GAS2: variants seen among roughly 807,000 people sequenced by gnomAD.
GAS2 encodes growth arrest specific 2, also known as growth arrest-specific protein 2.
In GAS2, 20 loss-of-function variants were observed where a neutral mutation model predicts 37.5. That is an observed-to-expected ratio of 0.53 (90% CI 0.37 to 0.77). The LOEUF (loss-of-function observed/expected upper bound fraction) is 0.77. GAS2 is among the 30% of genes least tolerant of loss of function. The pLI is 0.00. For missense variants in GAS2, 336 were observed against 373.4 expected, an observed-to-expected ratio of 0.90 and a Z score of 0.82; for synonymous variants, 144 against 132.2, an observed-to-expected ratio of 1.09 and a Z score of -0.61.
At chr11:22,649,649 A>G (rs1174153658) in intron 1 of GAS2, among the ~76,000 whole-genome samples, 2 of 151,880 alleles carry the variant, frequency 1.3e-5, no homozygotes, top group South Asian at 2.1e-4. Context: ...GTCTTGGGAG[A>G]GCGTATGTGT....
intron 1 of GAS2, among the ~76,000 whole-genome samples, chr11:22,658,343 A>G (rs1373534146): frequency 6.6e-6 from 1 of 151,990 alleles, no homozygotes; most frequent in East Asian, 1.9e-4. Context: ...CTTTTAAAAG[A>G]CTCAATTAAC....
intron 7 of GAS2, among the ~76,000 whole-genome samples, chr11:22,760,415 C>T (rs1349863672): frequency 6.6e-6 from 1 of 152,160 alleles, no homozygotes; most frequent in Non-Finnish European, 1.5e-5. Context: ...GGCCCAGCCT[C>T]CTGTGTTTTA....
At chr11:22,633,624 G>A (rs1250612197) in intron 1 of GAS2, among the ~76,000 whole-genome samples, 1 of 152,142 alleles carries the variant, frequency 6.6e-6, no homozygotes, top group Non-Finnish European at 1.5e-5. Context: ...ATCCAGTGAT[G>A]GGCAGAGGTC....
chr11:22,741,795 T>G (rs1301294637), intron 5 of GAS2, among the ~76,000 whole-genome samples: 1 of 152,118 alleles, frequency 6.6e-6, no homozygotes, highest in African/African-American at 2.4e-5. Context: ...TTAAATTGCT[T>G]TAAAACAGAA....
chr11:22,810,197 A>G (rs1012337885), intron 7 of GAS2, among the ~76,000 whole-genome samples: 6 of 152,216 alleles, frequency 3.9e-5, no homozygotes, highest in Non-Finnish European at 7.3e-5. Flanking sequence ...ATAGCAGGGA[A>G]GAAATGTAGC....
At position 22,812,220 on chromosome 11, in the gene GAS2, C is replaced by T. The variant is rs1590159524; in HGVS notation, c.*204C>T. On this transcript the variant is annotated 3_prime_UTR_variant, in exon 8 of 8. Transcript: ENST00000454584. ...GACCTATTAAAAGAAAATCTAAACTCAAATTTAAATTATCCAAATTTTAGG... is the reference window on the plus strand; with the variant it reads ...GACCTATTAAAAGAAAATCTAAACTTAAATTTAAATTATCCAAATTTTAGG... The T allele has an allele frequency of 2.0e-6, 1 of 504,952 alleles. No homozygotes were observed. The highest frequency in any genetic ancestry group is 3.5e-6 in the Non-Finnish European group (1 of 286,482). The allele number at this position is 504,952 out of a possible 1,614,324, so 31.3% of individuals were successfully genotyped here. A position where few individuals can be genotyped will look rare whatever the true frequency, so the allele number is the denominator to read the frequency against.
At chr11:22,772,920 C>G (rs1054116796) in intron 7 of GAS2, among the ~76,000 whole-genome samples, 2 of 152,132 alleles carry the variant, frequency 1.3e-5, no homozygotes, top group Admixed American at 1.3e-4. Context: ...AAGAAATAAT[C>G]TGGAGCTGAG....
chr11:22,759,976 A>G (rs554071905), intron 7 of GAS2, among the ~76,000 whole-genome samples: 2 of 152,200 alleles, frequency 1.3e-5, no homozygotes, highest in East Asian at 3.9e-4. Flanking sequence ...ATCAATTCCA[A>G]TTTGATGGCT....
chr11:22,743,025 C>A (rs1232755992), intron 5 of GAS2, among the ~76,000 whole-genome samples: 5 of 152,026 alleles, frequency 3.3e-5, no homozygotes, highest in Admixed American at 6.6e-5. Context: ...TTAAACATAA[C>A]CAAATTTTAT....
Position 22,812,153 on chromosome 11 carries a change from CAA to C in GAS2, c.*139_*140del, listed in dbSNP as rs1430289538. 7.8e-6 allele frequency: 5 copies of C among 639,300 alleles called. No homozygotes were observed. Among genetic ancestry groups the C allele is most frequent in the Non-Finnish European group, 1.4e-5 (5 of 367,082 alleles). The allele number at this position is 639,300 out of a possible 1,614,324, so 39.6% of individuals were successfully genotyped here. A position where few individuals can be genotyped will look rare whatever the true frequency, so the allele number is the denominator to read the frequency against. Reference sequence around the variant, plus strand: ...AAATGTCATCATATTGAAAAATGTTCAAAGAGTAGCACTATTTATTTTTAATG... The same window carrying C: ...AAATGTCATCATATTGAAAAATGTTCAGAGTAGCACTATTTATTTTTAATG... On this transcript the variant is annotated 3_prime_UTR_variant, in exon 8 of 8. Coordinates refer to ENST00000454584, the MANE Select transcript of GAS2 (RefSeq NM_001143830.3).
chr11:22,647,744 T>A (rs1255526247), intron 1 of GAS2, among the ~76,000 whole-genome samples: 2 of 152,166 alleles, frequency 1.3e-5, no homozygotes, highest in African/African-American at 4.8e-5. Context: ...TCTGTTCATG[T>A]CCTTCGCCCA....
intron 1 of GAS2, among the ~76,000 whole-genome samples, chr11:22,674,376 C>A (rs183289755): frequency 5.3e-5 from 8 of 152,190 alleles, no homozygotes; most frequent in Admixed American, 5.2e-4. Flanking sequence ...CTTTGCTTAA[C>A]CTTTTAGGCT....
At chr11:22,744,655 A>C (rs1178271205) in intron 5 of GAS2, among the ~76,000 whole-genome samples, 1 of 152,144 alleles carries the variant, frequency 6.6e-6, no homozygotes, top group Non-Finnish European at 1.5e-5. Context: ...CTACCTCAAA[A>C]GAATAAGAAC....
At chr11:22,697,067 A>G (rs1212474314) in intron 3 of GAS2, among the ~76,000 whole-genome samples, 1 of 152,026 alleles carries the variant, frequency 6.6e-6, no homozygotes, top group African/African-American at 2.4e-5. Context: ...TAGGGTTTTT[A>G]TGGTTTTAGG....
intron 7 of GAS2, among the ~76,000 whole-genome samples, chr11:22,770,274 C>T (rs1854910324): frequency 6.6e-6 from 1 of 152,086 alleles, no homozygotes. Flanking sequence ...TGTAACAAAC[C>T]TGCACTTTCT....
intron 1 of GAS2, among the ~76,000 whole-genome samples, chr11:22,642,441 A>G (rs989347792): frequency 2.0e-5 from 3 of 152,098 alleles, no homozygotes; most frequent in Admixed American, 6.6e-5. Context: ...AGTAATTAGG[A>G]AAAAGAAAAC....
At chr11:22,709,107 T>C (rs1851270346) in intron 3 of GAS2, among the ~76,000 whole-genome samples, 1 of 152,092 alleles carries the variant, frequency 6.6e-6, no homozygotes, top group Admixed American at 6.6e-5. Flanking sequence ...TGGGAAGTCA[T>C]TGAAGATTTT....
chr11:22,774,772 A>AT (rs112113466), intron 7 of GAS2, among the ~76,000 whole-genome samples: 186 of 146,664 alleles, frequency 1.3e-3, no homozygotes, highest in South Asian at 8.4e-3. Context: ...ACCTATCGTG[A>AT]TTTTTTTTTT....
intron 3 of GAS2, among the ~76,000 whole-genome samples, chr11:22,691,649 G>T (rs746051855): frequency 6.6e-6 from 1 of 152,046 alleles, no homozygotes; most frequent in Admixed American, 6.5e-5. Context: ...AATATATTAT[G>T]ATGAGATGGG....
Sources: gnomAD v4.1 joint callset for allele counts (sites outside exome capture counted in the v4.1 genomes callset) on GRCh38, gnomAD v4.1.1 for gene constraint, MANE v1.5 for transcripts, NCBI Gene and HGNC (gene_info 2026-07-23, HGNC 2026-07-21) for gene names.